Variants in ZMIZ1 observed in about 807,000 individuals in gnomAD.
ZMIZ1 encodes the protein zinc finger MIZ-type containing 1.
ZMIZ1 carries 17 observed loss-of-function variants against 113.9 expected under a neutral mutation model. The observed-to-expected ratio is 0.15, with a 90% confidence interval of 0.10 to 0.22. The LOEUF (loss-of-function observed/expected upper bound fraction) is 0.22, where lower values mean the gene tolerates loss of function less well. ZMIZ1 is among the 10% of genes least tolerant of loss of function. The pLI is 1.00. For synonymous variants in ZMIZ1, 607 were observed against 603.1 expected (o/e 1.01, Z -0.09); for missense variants, 1,059 against 1,477.8 (o/e 0.72, Z 4.65).
intron 5 of ZMIZ1, among the ~76,000 whole-genome samples, chr10:79,202,099 A>C (rs997305497): frequency 3.0e-4 from 42 of 141,530 alleles, no homozygotes; most frequent in Non-Finnish European, 5.2e-4. Flanking sequence ...TGGGTGTGGC[A>C]GCTTACGCCT....
intron 11 of ZMIZ1, 55 bp from the exon 12 acceptor site, chr10:79,293,326 G>A (rs771806454): frequency 6.7e-7 from 1 of 1,499,588 alleles, no homozygotes; most frequent in South Asian, 1.4e-5. Context: ...CAATGCATGT[G>A]GCATTTTATT....
At chr10:79,290,786 G>A (rs778541194) in intron 9 of ZMIZ1, 173 bp from the exon 10 acceptor site, 15 of 788,488 alleles carry the variant, frequency 1.9e-5, no homozygotes, top group South Asian at 8.8e-5. Context: ...GCCCAGGCCC[G>A]CTCCTTATCA....
chr10:79,306,555 TAG>T (rs201633124), intron 22 of ZMIZ1, among the ~76,000 whole-genome samples: 2,747 of 152,342 alleles, frequency 0.018, 42 homozygotes, highest in South Asian at 0.04. Flanking sequence ...TGGTGGGAGA[TAG>T]ACTGCTGCCT....
At chr10:79,136,103 G>A (rs1027174943) in intron 2 of ZMIZ1, among the ~76,000 whole-genome samples, 1 of 152,206 alleles carries the variant, frequency 6.6e-6, no homozygotes, top group Non-Finnish European at 1.5e-5. Flanking sequence ...AGTCCTCCAG[G>A]ATCTGCCCCA....
chr10:79,186,538 A>T (rs1353256671), intron 4 of ZMIZ1, among the ~76,000 whole-genome samples: 3 of 152,226 alleles, frequency 2.0e-5, no homozygotes, highest in African/African-American at 4.8e-5. Flanking sequence ...TATTAGCATG[A>T]GGCTCTCAGA....
chr10:79,293,400 A>C lies in ZMIZ1; in HGVS notation c.977A>C (p.Tyr326Ser), dbSNP rs753005238. The C allele has an allele frequency of 6.6e-7, 1 of 1,517,298 alleles. No homozygotes were observed. Among genetic ancestry groups the C allele is most frequent in the South Asian group, 1.3e-5 (1 of 75,736 alleles). The allele number at this position is 1,517,298 out of a possible 1,614,324, so 94.0% of individuals were successfully genotyped here. The change falls in exon 12 of 25, where the codon TAT (tyrosine) becomes TCT (serine). Residue 326 changes from tyrosine to serine, a missense_variant. This residue lies in a region of ZMIZ1 where 83 missense variants were observed against 103.7 expected (regional missense o/e 0.80). Coordinates refer to ENST00000334512, the MANE Select transcript of ZMIZ1 (RefSeq NM_020338.4). ...QYGPMGPTQA[Y>S]NSQFMNQPGP... ...TTCCAGATGGGTCCCACCCAGGCGT[A>C]TAACAGCCAATTCATGAACCAGCCC...
In ZMIZ1 at chr10:79,173,696, GGTAGCTGTGT is replaced by G. The variant is rs563132463; in HGVS notation, c.-50+11564_-50+11573del. ...TGTTATGTGTTGGGGGAATCTTAAT[GGTAGCTGTGT>G]TAATTAGCACTTACCCCAGTCATTT... On this transcript the variant is annotated intron_variant, in intron 4 of 24. Coordinates refer to ENST00000334512, the MANE Select transcript of ZMIZ1 (RefSeq NM_020338.4). Among the ~76,000 whole-genome samples, 6 of 152,276 alleles carry G rather than the reference GGTAGCTGTGT, an allele frequency of 3.9e-5. No homozygotes were observed. The South Asian group carries it at 1.2e-3, about 32-fold the overall frequency.
In ZMIZ1 at chr10:79,069,768, A is replaced by T. The variant is rs1025453354; in HGVS notation, c.-337+498A>T. Among the ~76,000 whole-genome samples the T allele has an allele frequency of 2.3e-4, 35 of 152,208 alleles. No individual in the cohort carries two copies. The highest frequency in any genetic ancestry group is 4.7e-4 in the Non-Finnish European group (32 of 67,994). On this transcript the variant is annotated intron_variant, in intron 1 of 24. Transcript: ENST00000334512. This position sits in a 1 kb window ranked among gnomAD's most constrained non-coding sequence, Gnocchi z 4.6. ...CAGGATGGCAAGGGGTGGTGGTGTTAACTTGTGCGTCTGAATTTCCAGGGA... is the reference window on the plus strand; with the variant it reads ...CAGGATGGCAAGGGGTGGTGGTGTTTACTTGTGCGTCTGAATTTCCAGGGA...
At position 79,190,101 on chromosome 10, in the gene ZMIZ1, G is replaced by T. The variant is rs560107721; in HGVS notation, c.-49-11483G>T. On this transcript the variant is annotated intron_variant, in intron 4 of 24. Coordinates refer to ENST00000334512, the MANE Select transcript of ZMIZ1 (RefSeq NM_020338.4). ...TAGGGAGCTGTGGGGGCTGCCCAGGGCCTCTGCAGGGAGAAGCATAGCTGC... is the reference window on the plus strand; with the variant it reads ...TAGGGAGCTGTGGGGGCTGCCCAGGTCCTCTGCAGGGAGAAGCATAGCTGC... Among the ~76,000 whole-genome samples the T allele has an allele frequency of 2.6e-5, 4 of 152,346 alleles. No homozygotes were observed. In the East Asian group the frequency reaches 7.7e-4, roughly 29 times the overall value.
At chr10:79,230,739 G>GGT (rs1206400582) in intron 7 of ZMIZ1, among the ~76,000 whole-genome samples, 16 of 152,244 alleles carry the variant, frequency 1.1e-4, no homozygotes, top group African/African-American at 3.6e-4. Flanking sequence ...GCCTGTGCTT[G>GGT]ATTGTCCGCC....
At chr10:79,132,145 G>A (rs757137141) in intron 2 of ZMIZ1, among the ~76,000 whole-genome samples, 1 of 152,172 alleles carries the variant, frequency 6.6e-6, no homozygotes, top group Non-Finnish European at 1.5e-5. Context: ...CCACGTGCAC[G>A]AGCTTCTCTG....
intron 4 of ZMIZ1, among the ~76,000 whole-genome samples, chr10:79,189,571 G>A (rs1847510822): frequency 6.6e-6 from 1 of 152,200 alleles, no homozygotes; most frequent in African/African-American, 2.4e-5. Context: ...TGTGCCCCAG[G>A]GCACAGAAGC....
intron 12 of ZMIZ1, 50 bp downstream of exon 12, chr10:79,293,703 T>A (rs1490805481): frequency 6.2e-7 from 1 of 1,612,562 alleles, no homozygotes; most frequent in South Asian, 1.1e-5. Context: ...ACACCTGGGC[T>A]TGAAGACATG....
At chr10:79,205,258 C>G (rs555953513) in intron 5 of ZMIZ1, among the ~76,000 whole-genome samples, 1 of 152,332 alleles carries the variant, frequency 6.6e-6, no homozygotes, top group African/African-American at 2.4e-5. Flanking sequence ...ACATGTGCTC[C>G]CATCCCCAGC....
chr10:79,299,281 G>T (rs978836080), intron 16 of ZMIZ1, 90 bp downstream of exon 16: 20 of 1,499,954 alleles, frequency 1.3e-5, no homozygotes, highest in Non-Finnish European at 1.6e-5. Flanking sequence ...CCCTGGGCAG[G>T]GGGTAGCAGC....
intron 3 of ZMIZ1, among the ~76,000 whole-genome samples, chr10:79,154,387 C>G (rs1248967915): frequency 4.6e-5 from 7 of 152,090 alleles, no homozygotes; most frequent in Admixed American, 1.3e-4. Flanking sequence ...GGGGTGCCCT[C>G]TAGGGCAGCC....
At chr10:79,211,816 C>T (rs527570692) in intron 6 of ZMIZ1, among the ~76,000 whole-genome samples, 10 of 152,316 alleles carry the variant, frequency 6.6e-5, no homozygotes, top group Admixed American at 2.6e-4. Context: ...CCCCTCTGGG[C>T]GCCCTCTCCC....
intron 17 of ZMIZ1, among the ~76,000 whole-genome samples, chr10:79,301,903 A>T (rs1182603874): frequency 1.3e-5 from 2 of 152,130 alleles, no homozygotes; most frequent in Non-Finnish European, 2.9e-5. Flanking sequence ...GGAGTATTTC[A>T]GTGTCAAAGT....
At position 79,313,071 on chromosome 10, in the gene ZMIZ1, C is replaced by T. The variant is rs2296422; in HGVS notation, c.*322C>T. 45,831 of 346,908 alleles carry T rather than the reference C, an allele frequency of 0.13. 3,299 individuals carry two copies. The highest frequency in any genetic ancestry group is 0.22 in the South Asian group (5,659 of 25,492). The allele number at this position is 346,908 out of a possible 1,614,324, so 21.5% of individuals were successfully genotyped here. A position where few individuals can be genotyped will look rare whatever the true frequency, so the allele number is the denominator to read the frequency against. ...GAGGGCACACGCTGATGCGGCTTCC[C>T]GGTCCCTCCGCGTGTGCCGATTCCA... On this transcript the variant is annotated 3_prime_UTR_variant, in exon 25 of 25. Coordinates refer to ENST00000334512, the MANE Select transcript of ZMIZ1 (RefSeq NM_020338.4).
Sources: allele counts gnomAD v4.1 joint callset (sites outside exome capture counted in the v4.1 genomes callset), GRCh38; gene constraint gnomAD v4.1.1; regional missense constraint gnomAD v4.1.1; non-coding constraint Gnocchi (gnomAD v3.1); transcripts MANE v1.5; gene names NCBI Gene and HGNC (gene_info 2026-07-23, HGNC 2026-07-21).